The following BLTP3B variants were observed in gnomAD, a reference collection of about 807,000 sequenced individuals.
BLTP3B encodes bridge-like lipid transfer protein family member 3B.
the BLTP3B span, among the ~76,000 whole-genome samples, chr12:100,139,664 A>G: frequency 6.6e-6 from 1 of 152,222 alleles, no homozygotes; most frequent in Admixed American, 6.5e-5. Flanking sequence ...AGTAAAAAAA[A>G]GCAATGTAAG....
the BLTP3B span, among the ~76,000 whole-genome samples, chr12:100,060,274 A>G: frequency 6.6e-6 from 1 of 152,218 alleles, no homozygotes; most frequent in Non-Finnish European, 1.5e-5. Context: ...CAAAATATCT[A>G]TAACATATAA....
At chr12:100,052,767 G>A in the BLTP3B span, among the ~76,000 whole-genome samples, 6 of 132,884 alleles carry the variant, frequency 4.5e-5, no homozygotes, top group Admixed American at 3.0e-4. Context: ...TCAAATCTAT[G>A]TTGTTGTTAT....
the BLTP3B span, chr12:100,047,914 T>C: frequency 2.8e-6 from 4 of 1,418,828 alleles, no homozygotes; most frequent in Non-Finnish European, 3.7e-6. Flanking sequence ...AAAAGGAACA[T>C]GAAAATATAA....
At chr12:100,125,608 A>G in the BLTP3B span, among the ~76,000 whole-genome samples, 7 of 152,188 alleles carry the variant, frequency 4.6e-5, no homozygotes, top group Non-Finnish European at 1.0e-4. Flanking sequence ...TGATCACGCC[A>G]TAGCACTCCA....
chr12:100,118,860 T>G, the BLTP3B span, among the ~76,000 whole-genome samples: 1 of 152,138 alleles, frequency 6.6e-6, no homozygotes, highest in Non-Finnish European at 1.5e-5. Context: ...TCCAGCACTG[T>G]GGGAGGCCAA....
At chr12:100,113,793 G>GA in the BLTP3B span, among the ~76,000 whole-genome samples, 793 of 133,148 alleles carry the variant, frequency 6.0e-3, 2 homozygotes, top group African/African-American at 0.018. Context: ...CCCTGTCTCA[G>GA]AAAAAAAAAA....
At chr12:100,072,740 G>A in the BLTP3B span, 1 of 1,606,598 alleles carries the variant, frequency 6.2e-7, no homozygotes, top group Non-Finnish European at 8.5e-7. Context: ...CATTTCTTGT[G>A]GAAGATATAG....
At chr12:100,104,884 CAAAAAAAAAA>C in the BLTP3B span, among the ~76,000 whole-genome samples, 253 of 66,048 alleles carry the variant, frequency 3.8e-3, 1 homozygote, top group African/African-American at 0.011. Flanking sequence ...ACTGCTACTA[CAAAAAAAAAA>C]AAAAAAAAAA....
At chr12:100,105,464 G>A in the BLTP3B span, among the ~76,000 whole-genome samples, 1 of 152,128 alleles carries the variant, frequency 6.6e-6, no homozygotes, top group South Asian at 2.1e-4. Flanking sequence ...TCAATAAATG[G>A]TGCTGGAAAA....
At chr12:100,084,535 T>C in the BLTP3B span, 4 of 1,613,974 alleles carry the variant, frequency 2.5e-6, no homozygotes, top group Admixed American at 1.7e-5. Flanking sequence ...ACCTACATTA[T>C]GATCCTTCAC....
At chr12:100,132,051 C>T in the BLTP3B span, among the ~76,000 whole-genome samples, 2 of 152,170 alleles carry the variant, frequency 1.3e-5, no homozygotes, top group African/African-American at 2.4e-5. Context: ...CTTGGCCTCC[C>T]AAAGTGCTGG....
chr12:100,047,499 C>A, the BLTP3B span: 1 of 1,530,988 alleles, frequency 6.5e-7, no homozygotes, highest in South Asian at 1.1e-5. Flanking sequence ...AATTCCATCT[C>A]ATAAATAAAC....
the BLTP3B span, chr12:100,108,415 T>C: frequency 6.2e-7 from 1 of 1,613,012 alleles, no homozygotes; most frequent in Non-Finnish European, 8.5e-7. Flanking sequence ...CAAAAAACTT[T>C]GTTGATAGCA....
the BLTP3B span, among the ~76,000 whole-genome samples, chr12:100,063,087 C>A: frequency 6.6e-6 from 1 of 152,082 alleles, no homozygotes; most frequent in African/African-American, 2.4e-5. Flanking sequence ...GACTAGTTTG[C>A]AGCTCCGACT....
the BLTP3B span, among the ~76,000 whole-genome samples, chr12:100,067,607 GAA>G: frequency 1.3e-5 from 2 of 151,816 alleles, no homozygotes; most frequent in Non-Finnish European, 2.9e-5. Flanking sequence ...AGAATTCCTG[GAA>G]AAATACAACC....
chr12:100,094,170 G>C, the BLTP3B span, among the ~76,000 whole-genome samples: 1 of 152,164 alleles, frequency 6.6e-6, no homozygotes, highest in Non-Finnish European at 1.5e-5. Context: ...GCAGGCTGAA[G>C]TGCAGGGGTG....
the BLTP3B span, among the ~76,000 whole-genome samples, chr12:100,121,354 G>GAA: frequency 0.025 from 2,451 of 97,022 alleles, 32 homozygotes; most frequent in South Asian, 0.054. Flanking sequence ...CCATCTCATG[G>GAA]AAAAAAAAAA....
chr12:100,077,470 C>T, the BLTP3B span, among the ~76,000 whole-genome samples: 9 of 152,198 alleles, frequency 5.9e-5, no homozygotes, highest in African/African-American at 1.9e-4. Context: ...GCACTTCTGA[C>T]GTTTTAAGCT....
chr12:100,050,835 A>G, the BLTP3B span, among the ~76,000 whole-genome samples: 1 of 152,090 alleles, frequency 6.6e-6, no homozygotes, highest in Non-Finnish European at 1.5e-5. Flanking sequence ...ATAAAAATAC[A>G]AAAAGCAATA....
Sources: gnomAD v4.1 joint callset for allele counts (sites outside exome capture counted in the v4.1 genomes callset) on GRCh38, gnomAD v4.1.1 for gene constraint, MANE v1.5 for transcripts, NCBI Gene and HGNC (gene_info 2026-07-23, HGNC 2026-07-21) for gene names.